The following CSMD1 variants were observed in gnomAD, a reference collection of about 807,000 sequenced individuals.
CSMD1 encodes the protein CUB and sushi domain-containing protein 1.
CSMD1 carries 213 observed loss-of-function variants against 417.5 expected under a neutral mutation model. That is an observed-to-expected ratio of 0.51 (90% CI 0.46 to 0.57). The LOEUF is 0.57. Ranked by LOEUF, CSMD1 falls within the 20% of genes least tolerant of loss-of-function variation. The pLI is 0.00. For synonymous variants in CSMD1, 2,862 were observed against 1,736.8 expected (o/e 1.65, Z -16.11); for missense variants, 6,923 against 4,529.7 (o/e 1.53, Z -15.17).
intron 27 of CSMD1, among the ~76,000 whole-genome samples, chr8:3,228,424 T>A (rs1437843971): frequency 6.6e-6 from 1 of 152,212 alleles, no homozygotes; most frequent in South Asian, 2.1e-4. Context: ...TATTTTCCAT[T>A]TTTCTGTTAC....
chr8:4,401,944 C>A (rs900713272), intron 3 of CSMD1, among the ~76,000 whole-genome samples: 3 of 152,098 alleles, frequency 2.0e-5, no homozygotes, highest in Admixed American at 1.3e-4. Context: ...CCCTGCTCTC[C>A]CGTGCATTTG....
intron 54 of CSMD1, among the ~76,000 whole-genome samples, chr8:2,992,340 T>A (rs1276519005): frequency 6.6e-6 from 1 of 152,174 alleles, no homozygotes. Context: ...GAGGTGATGG[T>A]TGCACAACAT....
At chr8:4,276,823 T>G (rs1796514863) in intron 3 of CSMD1, among the ~76,000 whole-genome samples, 1 of 152,140 alleles carries the variant, frequency 6.6e-6, no homozygotes, top group African/African-American at 2.4e-5. Flanking sequence ...ACTAAATCTC[T>G]TTTCAGAAAT....
chr8:4,102,744 A>G (rs948512275), intron 3 of CSMD1, among the ~76,000 whole-genome samples: 16 of 152,186 alleles, frequency 1.1e-4, no homozygotes, highest in African/African-American at 3.9e-4. Context: ...TTGGAAGCAG[A>G]TATTTTTGAA....
At chr8:4,333,847 T>A (rs1800011718) in intron 3 of CSMD1, among the ~76,000 whole-genome samples, 1 of 152,108 alleles carries the variant, frequency 6.6e-6, no homozygotes, top group Non-Finnish European at 1.5e-5. Flanking sequence ...CTTTATGGTG[T>A]TTCATCTTTA....
chr8:3,501,219 C>A (rs892667876), intron 10 of CSMD1, among the ~76,000 whole-genome samples: 1 of 152,140 alleles, frequency 6.6e-6, no homozygotes, highest in African/African-American at 2.4e-5. Flanking sequence ...ATGATCTTTG[C>A]CTCTGTGCAT....
intron 3 of CSMD1, among the ~76,000 whole-genome samples, chr8:4,252,199 A>T (rs1016750614): frequency 6.6e-6 from 1 of 152,172 alleles, no homozygotes; most frequent in Non-Finnish European, 1.5e-5. Context: ...AAAAAAGCTT[A>T]AAACAAGACA....
intron 2 of CSMD1, among the ~76,000 whole-genome samples, chr8:4,502,788 A>C (rs931162149): frequency 2.0e-5 from 3 of 152,110 alleles, no homozygotes; most frequent in Non-Finnish European, 4.4e-5. Flanking sequence ...AGCATGACCA[A>C]TCTGTTGGAC....
Position 3,592,159 on chromosome 8 carries a change from T to C in CSMD1, c.1098-5899A>G, listed in dbSNP as rs538948038. Among the ~76,000 whole-genome samples, 6 of 152,146 alleles carry C rather than the reference T, an allele frequency of 3.9e-5. No individual in the cohort carries two copies. In the East Asian group the frequency reaches 1.2e-3, roughly 30 times the overall value. On this transcript the variant is annotated intron_variant, in intron 8 of 69. Transcript: ENST00000635120. ...GAATGGATAGGTAAGTAGATATCCA[T>C]CTGGTTAGGTAGATAGATTGACAGA...
intron 23 of CSMD1, among the ~76,000 whole-genome samples, chr8:3,335,021 C>T (rs1807160789): frequency 6.6e-6 from 1 of 152,204 alleles, no homozygotes; most frequent in African/African-American, 2.4e-5. Flanking sequence ...GGAGATGATA[C>T]TGTCTCTTAA....
rs55864563 is a variant in CSMD1, at chr8:4,186,260, A to C, written c.416-154161T>G. On this transcript the variant is annotated intron_variant, in intron 3 of 69. Transcript: ENST00000635120. ...TGCCATACTCACTGCAGCAGAGGGG[A>C]AAGTGTAAAATTACAAGAGAAGGAG... Among the ~76,000 whole-genome samples the C allele has an allele frequency of 6.5e-3, 991 of 152,202 alleles. 9 individuals are homozygous for C. Among genetic ancestry groups the C allele is most frequent in the African/African-American group, 0.023 (958 of 41,518 alleles).
chr8:3,376,648 T>G (rs949089650), intron 18 of CSMD1, among the ~76,000 whole-genome samples: 2 of 152,110 alleles, frequency 1.3e-5, no homozygotes, highest in Non-Finnish European at 2.9e-5. Context: ...TTTCACAAAA[T>G]TAGAGGACAA....
At chr8:3,760,787 G>T (rs768915042) in intron 5 of CSMD1, among the ~76,000 whole-genome samples, 1 of 152,172 alleles carries the variant, frequency 6.6e-6, no homozygotes, top group Non-Finnish European at 1.5e-5. Context: ...TCCCTCTGCA[G>T]TTAAGTCTCT....
At position 3,365,190 on chromosome 8, in the gene CSMD1, G is replaced by T. The variant is rs993880910; in HGVS notation, c.3115+1842C>A. Among the ~76,000 whole-genome samples the T allele has an allele frequency of 3.3e-5, 5 of 152,138 alleles. No individual in the cohort carries two copies. In the East Asian group the frequency reaches 9.6e-4, roughly 29 times the overall value. Reference sequence around the variant, plus strand: ...GATTTAAGTCTTTGATATATAAAGTGGCAAGTTTCATGATTACTGCTGATT... The same window carrying T: ...GATTTAAGTCTTTGATATATAAAGTTGCAAGTTTCATGATTACTGCTGATT... On this transcript the variant is annotated intron_variant, in intron 20 of 69. Coordinates refer to ENST00000635120, the MANE Select transcript of CSMD1 (RefSeq NM_033225.6).
intron 9 of CSMD1, among the ~76,000 whole-genome samples, chr8:3,582,741 C>T (rs1221243235): frequency 6.6e-6 from 1 of 152,164 alleles, no homozygotes; most frequent in African/African-American, 2.4e-5. Context: ...TTTGTATTAA[C>T]TATATGTTAG....
At chr8:4,186,677 T>A (rs1008661936) in intron 3 of CSMD1, among the ~76,000 whole-genome samples, 3 of 152,098 alleles carry the variant, frequency 2.0e-5, no homozygotes, top group African/African-American at 7.2e-5. Context: ...AGTATATTTG[T>A]TTTCTATTAA....
At chr8:4,179,227 G>C (rs959172082) in intron 3 of CSMD1, among the ~76,000 whole-genome samples, 10 of 152,164 alleles carry the variant, frequency 6.6e-5, no homozygotes, top group African/African-American at 1.9e-4. Context: ...TACCAAAACA[G>C]AGATATAAAT....
intron 1 of CSMD1, among the ~76,000 whole-genome samples, chr8:4,861,690 C>CA (rs1408680014): frequency 6.6e-6 from 1 of 151,866 alleles, no homozygotes; most frequent in Non-Finnish European, 1.5e-5. Flanking sequence ...ACAGTGATCT[C>CA]AAAAAATAGG....
intron 5 of CSMD1, among the ~76,000 whole-genome samples, chr8:3,760,163 C>G (rs887312147): frequency 6.6e-6 from 1 of 152,036 alleles, no homozygotes; most frequent in African/African-American, 2.4e-5. Context: ...TTTTGACATG[C>G]CCTATTTCTG....
Sources: allele counts gnomAD v4.1 joint callset (sites outside exome capture counted in the v4.1 genomes callset), GRCh38; gene constraint gnomAD v4.1.1; transcripts MANE v1.5; gene names NCBI Gene and HGNC (gene_info 2026-07-23, HGNC 2026-07-21).